Variants in LILRB1 observed in about 807,000 individuals in gnomAD.
The protein encoded by LILRB1 is leukocyte immunoglobulin like receptor B1.
In LILRB1, 59 loss-of-function variants were observed where a neutral mutation model predicts 74.6. That is an observed-to-expected ratio of 0.79 (90% CI 0.64 to 0.98). The LOEUF (loss-of-function observed/expected upper bound fraction) is 0.98. Ranked by LOEUF, LILRB1 falls within the 50% of genes least tolerant of loss-of-function variation. The pLI, the probability that LILRB1 is intolerant of heterozygous loss-of-function variation, is 0.00. For synonymous variants in LILRB1, 328 were observed against 333.9 expected (o/e 0.98, Z 0.19); for missense variants, 804 against 822.6 (o/e 0.98, Z 0.28).
chr19:54,626,342 C>T (rs1052860589), upstream of LILRB1, among the ~76,000 whole-genome samples: 3 of 152,110 alleles, frequency 2.0e-5, no homozygotes, highest in Admixed American at 6.5e-5. Context: ...TTAATTTGTT[C>T]ACATTAAACT....
chr19:54,624,050 G>T (rs373256819), intron 1 of LILRB1, among the ~76,000 whole-genome samples: 3 of 152,306 alleles, frequency 2.0e-5, no homozygotes, highest in East Asian at 3.9e-4. Flanking sequence ...TTCCTGTGAG[G>T]TGCTGACTGT....
At chr19:54,622,431 G>GTGTGTT (rs2063480018) in intron 1 of LILRB1, among the ~76,000 whole-genome samples, 1 of 152,142 alleles carries the variant, frequency 6.6e-6, no homozygotes, top group South Asian at 2.1e-4. Context: ...ACTCCTCAGT[G>GTGTGTT]TGTGTTTGTG....
upstream of LILRB1, among the ~76,000 whole-genome samples, chr19:54,628,911 C>T (rs577934025): frequency 6.6e-6 from 1 of 152,180 alleles, no homozygotes; most frequent in African/African-American, 2.4e-5. Context: ...AATGTTATAA[C>T]AAAAGACTGT....
rs768857115 is a variant in LILRB1 at position 54,634,776 on chromosome 19, T to TG, written c.1486+19dup. On this transcript the variant is annotated intron_variant, in intron 10 of 14. Coordinates refer to ENST00000324602, the MANE Select transcript of LILRB1 (RefSeq NM_001081637.3). ...CACTGGACATCGAGTGAGTAGGGAA[T>TG]GGGGGGACCCTGAGGGCTGACCGAG... 1.9e-6 allele frequency: 3 copies of TG among 1,612,032 alleles called. No individual in the cohort carries two copies. Among genetic ancestry groups the TG allele is most frequent in the Admixed American group, 3.3e-5 (2 of 59,958 alleles).
upstream of LILRB1, among the ~76,000 whole-genome samples, chr19:54,629,375 C>G (rs577830421): frequency 7.2e-4 from 110 of 152,250 alleles, no homozygotes; most frequent in African/African-American, 2.6e-3. Context: ...TAAGTTAAAG[C>G]TTCGGGTAGA....
At chr19:54,635,336 G>C (rs1251121285) in intron 12 of LILRB1, 40 bp downstream of exon 12, 2 of 1,611,184 alleles carry the variant, frequency 1.2e-6, no homozygotes, top group Non-Finnish European at 1.7e-6. Flanking sequence ...GAGGGAGATG[G>C]GGGCCCCGAA....
At chr19:54,635,788 T>A in intron 13 of LILRB1, 179 bp downstream of exon 13, 1 of 800,414 alleles carries the variant, frequency 1.2e-6, no homozygotes, top group Non-Finnish European at 2.2e-6. Context: ...TGGGACCTCG[T>A]GGGCCTCCTC....
chr19:54,633,755 G>C, intron 8 of LILRB1, 67 bp downstream of exon 8: 1 of 1,543,958 alleles, frequency 6.5e-7, no homozygotes, highest in Non-Finnish European at 8.8e-7. Flanking sequence ...GGGTCTCCCA[G>C]AGAATCCCAT....
rs1212802681 is a variant in LILRB1 at position 54,634,310 on chromosome 19, G to C, written c.1363+289G>C. ...CCTGCAGCAGAGACGGTGACCTGGG[G>C]CAGGGGAGGGGAGAAGAGTCATGGT... On this transcript the variant is annotated intron_variant, in intron 9 of 14. Coordinates refer to ENST00000324602, the MANE Select transcript of LILRB1 (RefSeq NM_001081637.3). The C allele has an allele frequency of 4.5e-6, 7 of 1,540,366 alleles. No individual in the cohort carries two copies. In the East Asian group the frequency reaches 1.2e-4, roughly 27 times the overall value.
chr19:54,617,656 CATTTTA>C (rs1437985007), intron 1 of LILRB1, among the ~76,000 whole-genome samples: 1 of 151,622 alleles, frequency 6.6e-6, no homozygotes, highest in East Asian at 1.9e-4. Flanking sequence ...GCAGTGAACC[CATTTTA>C]ATTTCCCTCT....
At position 54,632,454 on chromosome 19, in the gene LILRB1, C is replaced by G; in HGVS notation, c.662-10C>G. On this transcript the variant is annotated splice_polypyrimidine_tract_variant and intron_variant, in intron 5 of 14. Coordinates refer to ENST00000324602, the MANE Select transcript of LILRB1 (RefSeq NM_001081637.3). ...GTCGGCTCCTGGAAACCATGACCACCTTTTCCCAGGTGTTTCTAAGAAGCC... is the reference window on the plus strand; with the variant it reads ...GTCGGCTCCTGGAAACCATGACCACGTTTTCCCAGGTGTTTCTAAGAAGCC... 3 of 1,592,232 alleles carry G rather than the reference C, an allele frequency of 1.9e-6. No homozygotes were observed. The highest frequency in any genetic ancestry group is 2.6e-6 in the Non-Finnish European group (3 of 1,167,100).
At chr19:54,634,094 G>T in intron 9 of LILRB1, 73 bp downstream of exon 9, 5 of 1,551,460 alleles carry the variant, frequency 3.2e-6, no homozygotes, top group Non-Finnish European at 4.4e-6. Flanking sequence ...CCTAGGTTCA[G>T]TCTCCTCTGG....
upstream of LILRB1, among the ~76,000 whole-genome samples, chr19:54,626,400 A>AG (rs1375955800): frequency 6.6e-6 from 1 of 152,186 alleles, no homozygotes; most frequent in Non-Finnish European, 1.5e-5. Context: ...TTTCTTTGCA[A>AG]TATTTACTGA....
intron 9 of LILRB1, 55 bp downstream of exon 9, chr19:54,634,076 G>C: frequency 6.4e-7 from 1 of 1,558,306 alleles, no homozygotes; most frequent in Middle Eastern, 1.7e-4. Flanking sequence ...GGCAGGGGTG[G>C]GTTCTGTCCT....
chr19:54,626,710 G>C (rs752473978), upstream of LILRB1, among the ~76,000 whole-genome samples: 1 of 152,100 alleles, frequency 6.6e-6, no homozygotes. Flanking sequence ...TTCTGTAATG[G>C]ACTTTTTGAT....
rs1172816251 is a variant in LILRB1 at position 54,633,083 on chromosome 19, G to A, written c.1026G>A (p.Val342=). ...PGPTVASGEN[V]TLLCQSQGWM... is the part of the protein sequence containing the mutation. Reference sequence around the variant, plus strand: ...CCACGGTGGCCTCAGGAGAGAACGTGACCCTGCTGTGTCAGTCACAGGGAT... The same window carrying A: ...CCACGGTGGCCTCAGGAGAGAACGTAACCCTGCTGTGTCAGTCACAGGGAT... Residue 342 remains valine (V), a synonymous_variant, in exon 7 of 15, where the codon GTG becomes GTA. Coordinates refer to ENST00000324602, the MANE Select transcript of LILRB1 (RefSeq NM_001081637.3). 1 of 1,614,254 alleles carries A rather than the reference G, an allele frequency of 6.2e-7. No individual in the cohort carries two copies. The highest frequency in any genetic ancestry group is 8.5e-7 in the Non-Finnish European group (1 of 1,180,032).
chr19:54,636,546 A>T lies in LILRB1; in HGVS notation c.1706A>T (p.His569Leu), dbSNP rs1471437826. Reference sequence around the variant, plus strand: ...GCAGTGACGTATGCCGAGGTGAAACACTCCAGACCTAGGAGAGAAATGGCC... The same window carrying T: ...GCAGTGACGTATGCCGAGGTGAAACTCTCCAGACCTAGGAGAGAAATGGCC... ...PQAVTYAEVK[H>L]SRPRREMASP... Residue 569 changes from histidine to leucine, a missense_variant, in exon 14 of 15, where the codon CAC becomes CTC. Transcript: ENST00000324602. 4.3e-6 allele frequency: 7 copies of T among 1,611,358 alleles called. No homozygotes were observed. Among genetic ancestry groups the T allele is most frequent in the Non-Finnish European group, 5.9e-6 (7 of 1,179,714 alleles).
At chr19:54,635,402 T>C (rs10422981) in intron 12 of LILRB1, 106 bp downstream of exon 12, 217,324 of 1,523,134 alleles carry the variant, frequency 0.14, 16,951 homozygotes, top group African/African-American at 0.2. Flanking sequence ...GGGCTCAGGG[T>C]GAGATCATCT....
chr19:54,619,119 A>G (rs1457534758), intron 1 of LILRB1, among the ~76,000 whole-genome samples: 2 of 152,172 alleles, frequency 1.3e-5, no homozygotes, highest in African/African-American at 4.8e-5. Flanking sequence ...ATAAATGGAA[A>G]CAGGAAATAA....
Sources: gnomAD v4.1 joint callset for allele counts (sites outside exome capture counted in the v4.1 genomes callset) on GRCh38, gnomAD v4.1.1 for gene constraint, MANE v1.5 for transcripts, NCBI Gene and HGNC (gene_info 2026-07-23, HGNC 2026-07-21) for gene names.